Variants in CDK13 observed in about 807,000 individuals in gnomAD.
The protein encoded by CDK13 is cyclin dependent kinase 13.
A neutral mutation model predicts 137.6 loss-of-function variants in CDK13; 40 were observed. That is an observed-to-expected ratio of 0.29 (90% CI 0.23 to 0.38). The LOEUF (loss-of-function observed/expected upper bound fraction) is 0.38. CDK13 is among the 10% of genes least tolerant of loss of function. The pLI is 1.00. For missense variants in CDK13, 1,704 were observed against 1,951.8 expected, an observed-to-expected ratio of 0.87 and a Z score of 2.39; for synonymous variants, 869 against 760.1, an observed-to-expected ratio of 1.14 and a Z score of -2.36.
intron 6 of CDK13, 69 bp from the exon 7 acceptor site, chr7:40,047,752 A>G: frequency 9.6e-7 from 1 of 1,046,210 alleles, no homozygotes; most frequent in Non-Finnish European, 1.5e-6. Context: ...CTAGGCATAG[A>G]ATATAAATGT....
intron 5 of CDK13, among the ~76,000 whole-genome samples, chr7:40,033,673 G>A (rs1202385741): frequency 4.6e-5 from 7 of 152,160 alleles, no homozygotes; most frequent in African/African-American, 1.7e-4. Context: ...AATAAGGTCT[G>A]AGGTGTGCAA....
At chr7:40,025,572 A>G (rs1785226278) in intron 5 of CDK13, among the ~76,000 whole-genome samples, 1 of 152,198 alleles carries the variant, frequency 6.6e-6, no homozygotes, top group South Asian at 2.1e-4. Flanking sequence ...AGAATTGGTA[A>G]TTAAAAGTTG....
At chr7:40,047,604 A>G (rs1317596742) in intron 6 of CDK13, among the ~76,000 whole-genome samples, 4 of 151,922 alleles carry the variant, frequency 2.6e-5, no homozygotes, top group Non-Finnish European at 5.9e-5. Context: ...TACTATAATA[A>G]TTTTAAGACT....
chr7:39,977,756 C>G (rs983072609), intron 1 of CDK13, among the ~76,000 whole-genome samples: 1 of 151,456 alleles, frequency 6.6e-6, no homozygotes, highest in Non-Finnish European at 1.5e-5. Context: ...GGTGGAGACT[C>G]GAGGTGGGAA....
chr7:40,081,429 C>T (rs1786660546), intron 11 of CDK13, among the ~76,000 whole-genome samples: 1 of 152,036 alleles, frequency 6.6e-6, no homozygotes, highest in African/African-American at 2.4e-5. Context: ...TTTTGATATC[C>T]ACCACCAATA....
chr7:40,004,682 A>G (rs553138431), intron 5 of CDK13, among the ~76,000 whole-genome samples: 1 of 152,372 alleles, frequency 6.6e-6, no homozygotes, highest in Non-Finnish European at 1.5e-5. Context: ...AAGACAGTTC[A>G]ATAACACTGG....
Position 40,024,649 on chromosome 7 carries a change from T to TG in CDK13, c.2354-21187_2354-21186insG, listed in dbSNP as rs1562735165. The stretch of plus-strand genomic sequence containing the variant: ...CCAAGATATCTGTAGCTCTGTGTTT[T>TG]TTTTTTTTTTTTTTTTTTTTTTTTT... On this transcript the variant is annotated intron_variant, in intron 5 of 13. Transcript: ENST00000181839. Among the ~76,000 whole-genome samples, 9 of 22,432 alleles carry TG rather than the reference T, an allele frequency of 4.0e-4. 2 individuals are homozygous for TG. Among genetic ancestry groups the TG allele is most frequent in the East Asian group, 0.016 (1 of 62 alleles). 14.7% of individuals were successfully genotyped at this position (22,432 alleles called of 152,430 possible). A position where few individuals can be genotyped will look rare whatever the true frequency, so the allele number is the denominator to read the frequency against.
At chr7:40,011,949 C>T (rs1467355086) in intron 5 of CDK13, among the ~76,000 whole-genome samples, 8 of 151,948 alleles carry the variant, frequency 5.3e-5, no homozygotes, top group Non-Finnish European at 1.2e-4. Context: ...AAAAAGACAA[C>T]GTGATTAAAA....
chr7:40,068,705 C>CAAA (rs1786339025), intron 9 of CDK13, among the ~76,000 whole-genome samples: 1 of 44,538 alleles, frequency 2.2e-5, no homozygotes, highest in African/African-American at 9.3e-5. Context: ...GACTATGTCT[C>CAAA]AGAAAAAAAA....
intron 7 of CDK13, chr7:40,062,210 T>C (rs560766802): frequency 3.9e-5 from 6 of 152,368 alleles, no homozygotes; most frequent in Admixed American, 1.3e-4. Context: ...AAGGTTTTTA[T>C]GGAAAGGAAA....
chr7:40,080,394 C>A (rs1463045793), intron 11 of CDK13, among the ~76,000 whole-genome samples: 1 of 152,140 alleles, frequency 6.6e-6, no homozygotes. Context: ...TTTAAATGAA[C>A]AGACATGGGC....
intron 5 of CDK13, among the ~76,000 whole-genome samples, chr7:40,043,876 G>T: frequency 6.8e-6 from 1 of 147,858 alleles, no homozygotes. Context: ...ACAATTTGGT[G>T]TTTATTAATG....
chr7:39,967,744 A>G (rs1177111205), intron 1 of CDK13, among the ~76,000 whole-genome samples: 2 of 152,170 alleles, frequency 1.3e-5, no homozygotes, highest in Non-Finnish European at 2.9e-5. Context: ...ACACTTGCCA[A>G]CACTTGTTAT....
intron 5 of CDK13, among the ~76,000 whole-genome samples, chr7:40,032,692 A>G (rs996774415): frequency 1.3e-5 from 2 of 148,268 alleles, no homozygotes; most frequent in Non-Finnish European, 3.0e-5. Context: ...AGATCAGTTG[A>G]CTGTTTTTTT....
chr7:39,985,741 A>G (rs993002837), intron 1 of CDK13: 2 of 152,226 alleles, frequency 1.3e-5, no homozygotes, highest in South Asian at 2.1e-4. Context: ...CTCAGATCTT[A>G]TAAGAGACTT....
rs1786452178 is a variant in CDK13 at position 40,072,808 on chromosome 7, C to T, written c.2781-5197C>T. 2.0e-5 allele frequency: 3 copies of T among 152,164 alleles called. No individual in the cohort carries two copies. In the South Asian group the frequency reaches 6.2e-4, roughly 32 times the overall value. The allele number at this position is 152,164 out of a possible 1,614,324, so 9.4% of individuals were successfully genotyped here. A position where few individuals can be genotyped will look rare whatever the true frequency, so the allele number is the denominator to read the frequency against. On this transcript the variant is annotated intron_variant, in intron 9 of 13. Coordinates refer to ENST00000181839, the MANE Select transcript of CDK13 (RefSeq NM_003718.5). Reference sequence around the variant, plus strand: ...TTTATTAGGCTTGGATGGTATTCTTCCTTTGAATATAATGATGAATATGTA... The same window carrying T: ...TTTATTAGGCTTGGATGGTATTCTTTCTTTGAATATAATGATGAATATGTA...
At chr7:40,080,235 A>G (rs1786637329) in intron 11 of CDK13, among the ~76,000 whole-genome samples, 1 of 152,100 alleles carries the variant, frequency 6.6e-6, no homozygotes, top group South Asian at 2.1e-4. Context: ...TGATCCACCC[A>G]CCTTGGCCTC....
intron 6 of CDK13, among the ~76,000 whole-genome samples, chr7:40,047,265 T>C (rs113217717): frequency 9.2e-5 from 14 of 152,264 alleles, no homozygotes; most frequent in African/African-American, 3.1e-4. Flanking sequence ...TAAATAAGCT[T>C]AGATTTGTAA....
rs1475943441 is a variant in CDK13 at position 40,092,852 on chromosome 7, T to A, written c.3303T>A (p.Ser1101=). The change falls in exon 13 of 14, where the codon TCT becomes TCA. Residue 1101 remains serine, a synonymous_variant. Coordinates refer to ENST00000181839, the MANE Select transcript of CDK13 (RefSeq NM_003718.5). ...ELAILLNLLQ[S]KTSVNMADFV... ...CAATTCTACTAAACCTACTACAATC[T>A]AAAACAAGTGTTAATATGGCTGATT... 2 of 1,614,132 alleles carry A rather than the reference T, an allele frequency of 1.2e-6. No individual in the cohort carries two copies. Among genetic ancestry groups the A allele is most frequent in the African/African-American group, 2.7e-5 (2 of 75,024 alleles).
Sources: allele counts gnomAD v4.1 joint callset (sites outside exome capture counted in the v4.1 genomes callset), GRCh38; gene constraint gnomAD v4.1.1; transcripts MANE v1.5; gene names NCBI Gene and HGNC (gene_info 2026-07-23, HGNC 2026-07-21).